The following EEPD1 variants were observed in gnomAD, a reference collection of about 807,000 sequenced individuals.
EEPD1 encodes the protein endonuclease/exonuclease/phosphatase family domain-containing protein 1.
A neutral mutation model predicts 46.3 loss-of-function variants in EEPD1; 17 were observed. That is an observed-to-expected ratio of 0.37 (90% CI 0.25 to 0.55). EEPD1 has a LOEUF of 0.55. Among genes scored for constraint, EEPD1 ranks in the 20% least tolerant of loss-of-function variants. The pLI is 0.83. For missense variants in EEPD1, 673 were observed against 745.6 expected (o/e 0.90, Z 1.13); for synonymous variants, 313 against 315.6 (o/e 0.99, Z 0.09).
rs767714551 is a variant in EEPD1, at chr7:36,287,751, C to G, written c.1289C>G (p.Ala430Gly). The change falls in exon 6 of 8, where the codon GCA becomes GGA. Residue 430 changes from alanine to glycine, a missense_variant. By Grantham distance (60) the Ala-to-Gly change is moderately conservative. Coordinates refer to ENST00000242108, the MANE Select transcript of EEPD1 (RefSeq NM_030636.3). ...GATGGCCACCGGTTGGCGAGCTTTG[C>G]ACAGACCCTACAGGAAACCCTGAAA... is the stretch of plus-strand genomic sequence containing the variant. Reference protein sequence around the residue: ...HSDGHRLASFAQTLQETLKGE... With the variant: ...HSDGHRLASFGQTLQETLKGE... 4 of 1,614,136 alleles carry G rather than the reference C, an allele frequency of 2.5e-6. No individual in the cohort carries two copies. In the Admixed American group the frequency reaches 6.7e-5, roughly 27 times the overall value.
At chr7:36,288,227 G>T (rs1048906758) in intron 6 of EEPD1, among the ~76,000 whole-genome samples, 2 of 152,144 alleles carry the variant, frequency 1.3e-5, no homozygotes, top group African/African-American at 4.8e-5. Flanking sequence ...TCTCTGGCGG[G>T]ATACAGAGCA....
intron 2 of EEPD1, among the ~76,000 whole-genome samples, chr7:36,167,861 C>T (rs1201996090): frequency 6.6e-6 from 1 of 152,008 alleles, no homozygotes; most frequent in Non-Finnish European, 1.5e-5. Flanking sequence ...GATACAGGCA[C>T]GCGCCACCAC....
intron 3 of EEPD1, among the ~76,000 whole-genome samples, chr7:36,245,171 C>T (rs1276072200): frequency 1.3e-5 from 2 of 152,112 alleles, no homozygotes; most frequent in Non-Finnish European, 2.9e-5. Flanking sequence ...TGGTCTTGAT[C>T]TCCGGGCCTC....
At chr7:36,201,810 G>A (rs781579482) in intron 2 of EEPD1, among the ~76,000 whole-genome samples, 7 of 152,130 alleles carry the variant, frequency 4.6e-5, no homozygotes, top group Non-Finnish European at 1.0e-4. Flanking sequence ...AGAAATCTGA[G>A]ATGAGAAACT....
intron 2 of EEPD1, among the ~76,000 whole-genome samples, chr7:36,186,593 GT>G (rs1554312042): frequency 6.6e-6 from 1 of 152,182 alleles, no homozygotes; most frequent in Non-Finnish European, 1.5e-5. Flanking sequence ...CCCAATAGTT[GT>G]TTATTTTTTC....
At chr7:36,258,588 C>T (rs1343886630) in intron 3 of EEPD1, among the ~76,000 whole-genome samples, 2 of 152,146 alleles carry the variant, frequency 1.3e-5, no homozygotes, top group African/African-American at 2.4e-5. Context: ...CAGTGAGCTC[C>T]GCCCAGTTGG....
chr7:36,238,041 G>A (rs191480228), intron 2 of EEPD1, among the ~76,000 whole-genome samples: 10 of 152,296 alleles, frequency 6.6e-5, no homozygotes, highest in African/African-American at 2.2e-4. Flanking sequence ...TCTAGGAAAG[G>A]GGTGGGCAAT....
intron 6 of EEPD1, among the ~76,000 whole-genome samples, chr7:36,294,906 G>A (rs183230931): frequency 3.0e-4 from 45 of 152,238 alleles, no homozygotes; most frequent in Middle Eastern, 6.8e-3. Context: ...GGTCAGGCAC[G>A]GTGGCTCACG....
chr7:36,248,331 G>T (rs149519121), intron 3 of EEPD1, among the ~76,000 whole-genome samples: 1 of 150,756 alleles, frequency 6.6e-6, no homozygotes, highest in South Asian at 2.1e-4. Context: ...TCAGCCTCCC[G>T]ACTAGCTGGA....
rs192457197 is a variant in EEPD1 at position 36,174,997 on chromosome 7, G to C, written c.878+19795G>C. Among the ~76,000 whole-genome samples, 352 of 152,320 alleles carry C rather than the reference G, an allele frequency of 2.3e-3. 3 individuals are homozygous for C. The highest frequency in any genetic ancestry group is 7.9e-3 in the African/African-American group (329 of 41,572). ...GAAGACGATTTATGGACAGAAGGAG[G>C]AAAGTGACGTACAGAAAACATTAGT... On this transcript the variant is annotated intron_variant, in intron 2 of 7. Transcript: ENST00000242108.
chr7:36,291,143 A>C (rs1371258928), intron 6 of EEPD1, among the ~76,000 whole-genome samples: 1 of 152,182 alleles, frequency 6.6e-6, no homozygotes, highest in African/African-American at 2.4e-5. Context: ...CTGCATCCCA[A>C]CGAAAACCTC....
intron 2 of EEPD1, among the ~76,000 whole-genome samples, chr7:36,211,745 C>T (rs1267663086): frequency 1.3e-5 from 2 of 151,772 alleles, no homozygotes; most frequent in African/African-American, 4.8e-5. Flanking sequence ...GCGAACATGG[C>T]GAAACCCTGT....
intron 2 of EEPD1, among the ~76,000 whole-genome samples, chr7:36,214,866 CG>C (rs1245153200): frequency 2.0e-5 from 3 of 152,140 alleles, no homozygotes; most frequent in African/African-American, 7.2e-5. Context: ...ATTCCCTGAG[CG>C]GAGAGAATCA....
intron 3 of EEPD1, among the ~76,000 whole-genome samples, chr7:36,269,623 C>T (rs975841040): frequency 6.6e-6 from 1 of 152,044 alleles, no homozygotes; most frequent in South Asian, 2.1e-4. Context: ...AGGCTGGGTG[C>T]GGTGGCTCAC....
intron 3 of EEPD1, among the ~76,000 whole-genome samples, chr7:36,255,038 C>A (rs1786806590): frequency 6.6e-6 from 1 of 152,118 alleles, no homozygotes; most frequent in Non-Finnish European, 1.5e-5. Flanking sequence ...TGGATATTAG[C>A]CCTTTGTCAG....
chr7:36,185,964 A>G (rs1330706037), intron 2 of EEPD1, among the ~76,000 whole-genome samples: 2 of 152,220 alleles, frequency 1.3e-5, no homozygotes, highest in Non-Finnish European at 2.9e-5. Context: ...GAACAAGTAT[A>G]ACTGGCTGTG....
At chr7:36,198,544 A>G (rs547893037) in intron 2 of EEPD1, among the ~76,000 whole-genome samples, 2 of 152,262 alleles carry the variant, frequency 1.3e-5, no homozygotes, top group African/African-American at 2.4e-5. Context: ...TTATTTGTCA[A>G]TTAATAAATA....
At position 36,154,259 on chromosome 7, in the gene EEPD1, TCCTC is replaced by T; in HGVS notation, c.-62_-59del. The T allele has an allele frequency of 6.6e-7, 1 of 1,519,150 alleles. No individual in the cohort carries two copies. The highest frequency in any genetic ancestry group is 1.3e-5 in the South Asian group (1 of 79,840). 94.1% of individuals were successfully genotyped at this position (1,519,150 alleles called of 1,614,324 possible). ...CTGTGCTTGTACGGCCTACTGGGCTTCCTCCCTAGCCAGAGAGCTCTTCTGCAGT... is the reference window on the plus strand; with the variant it reads ...CTGTGCTTGTACGGCCTACTGGGCTTCCTAGCCAGAGAGCTCTTCTGCAGT... On this transcript the variant is annotated 5_prime_UTR_variant, in exon 2 of 8. Coordinates refer to ENST00000242108, the MANE Select transcript of EEPD1 (RefSeq NM_030636.3). This position sits in a 1 kb window ranked among gnomAD's most constrained non-coding sequence, Gnocchi z 4.2.
chr7:36,174,065 C>G (rs887804504), intron 2 of EEPD1, among the ~76,000 whole-genome samples: 6 of 152,180 alleles, frequency 3.9e-5, no homozygotes, highest in Non-Finnish European at 8.8e-5. Context: ...ATGGCAGAGA[C>G]TGTGTGGCTG....
Sources: gnomAD v4.1 joint callset for allele counts (sites outside exome capture counted in the v4.1 genomes callset) on GRCh38, gnomAD v4.1.1 for gene constraint, Gnocchi (gnomAD v3.1) non-coding constraint, MANE v1.5 for transcripts, NCBI Gene and HGNC (gene_info 2026-07-23, HGNC 2026-07-21) for gene names.